TBC1D19: variants seen among roughly 807,000 people sequenced by gnomAD.
TBC1D19 encodes the protein TBC1 domain family member 19.
TBC1D19 carries 60 observed loss-of-function variants against 89.0 expected under a neutral mutation model. That is an observed-to-expected ratio of 0.67 (90% CI 0.55 to 0.84). The LOEUF (loss-of-function observed/expected upper bound fraction) is 0.84, where lower values mean the gene tolerates loss of function less well. TBC1D19 is among the 40% of genes least tolerant of loss of function. The probability of loss-of-function intolerance (pLI) is 0.00; values close to 1 mark genes in which losing one functional copy is unlikely to be tolerated. For synonymous variants in TBC1D19, 189 were observed against 199.7 expected (o/e 0.95, Z 0.45); for missense variants, 500 against 610.8 (o/e 0.82, Z 1.91).
At chr4:26,620,536 A>G in intron 3 of TBC1D19, 77 bp from the exon 4 acceptor site, 1 of 1,182,506 alleles carries the variant, frequency 8.5e-7, no homozygotes, top group Non-Finnish European at 1.2e-6. Flanking sequence ...AACAGTTTAT[A>G]ACATGGACTA....
the TBC1D19 span, among the ~76,000 whole-genome samples, chr4:26,811,783 C>G: frequency 2.0e-5 from 3 of 152,178 alleles, no homozygotes; most frequent in Non-Finnish European, 4.4e-5. Context: ...ATTGCCATGG[C>G]ATTTGTAAAC....
chr4:26,746,998 C>T (rs1050847644), intron 18 of TBC1D19, among the ~76,000 whole-genome samples: 7 of 152,072 alleles, frequency 4.6e-5, no homozygotes, highest in African/African-American at 1.2e-4. Context: ...TGGGACCGTG[C>T]GAGCTTTCAC....
chr4:26,834,665 G>C, the TBC1D19 span, among the ~76,000 whole-genome samples: 3 of 152,244 alleles, frequency 2.0e-5, no homozygotes, highest in East Asian at 5.8e-4. Context: ...CTCACCCCCA[G>C]TCCTTCCTGC....
the TBC1D19 span, among the ~76,000 whole-genome samples, chr4:26,816,563 T>C: frequency 1.4e-4 from 22 of 152,288 alleles, no homozygotes; most frequent in Admixed American, 5.9e-4. Context: ...AATCAAATGA[T>C]CAAAGTTAAT....
At chr4:26,674,592 A>T (rs1577915219) in intron 11 of TBC1D19, among the ~76,000 whole-genome samples, 1 of 152,054 alleles carries the variant, frequency 6.6e-6, no homozygotes, top group Non-Finnish European at 1.5e-5. Context: ...AATCATACAG[A>T]CCTGATTTCA....
chr4:26,622,924 A>G (rs1742152970), intron 4 of TBC1D19, among the ~76,000 whole-genome samples: 2 of 152,170 alleles, frequency 1.3e-5, no homozygotes, highest in Non-Finnish European at 2.9e-5. Context: ...GTCAGCATCT[A>G]GCATAGTACC....
intron 1 of TBC1D19, among the ~76,000 whole-genome samples, chr4:26,596,104 G>C (rs149338413): frequency 6.6e-6 from 1 of 151,912 alleles, no homozygotes; most frequent in Non-Finnish European, 1.5e-5. Flanking sequence ...TTACAGGTGC[G>C]TGCTACCATG....
intron 10 of TBC1D19, among the ~76,000 whole-genome samples, chr4:26,673,286 T>G (rs971379274): frequency 5.9e-5 from 9 of 151,676 alleles, no homozygotes; most frequent in African/African-American, 9.7e-5. Flanking sequence ...TCTTATATAT[T>G]GTAATTCTTA....
intron 1 of TBC1D19, among the ~76,000 whole-genome samples, chr4:26,603,204 C>T (rs1048889551): frequency 2.0e-5 from 3 of 152,212 alleles, no homozygotes; most frequent in African/African-American, 4.8e-5. Context: ...TTGATGGAAT[C>T]GCAATACTTA....
chr4:26,829,982 C>T, the TBC1D19 span, among the ~76,000 whole-genome samples: 15 of 152,100 alleles, frequency 9.9e-5, no homozygotes, highest in African/African-American at 2.9e-4. Flanking sequence ...CCCTTCCATG[C>T]CTATAAAAGA....
At chr4:26,602,216 A>G (rs773849133) in intron 1 of TBC1D19, among the ~76,000 whole-genome samples, 11 of 152,190 alleles carry the variant, frequency 7.2e-5, no homozygotes, top group Non-Finnish European at 1.3e-4. Context: ...CAAGAAGCTT[A>G]TAGTCTAATG....
At chr4:26,744,037 G>A (rs952204119) in intron 18 of TBC1D19, among the ~76,000 whole-genome samples, 9 of 151,454 alleles carry the variant, frequency 5.9e-5, no homozygotes, top group African/African-American at 2.2e-4. Flanking sequence ...TGAAGCTTTT[G>A]GAAGGTTTTT....
intron 19 of TBC1D19, among the ~76,000 whole-genome samples, chr4:26,749,760 G>C (rs565354018): frequency 2.0e-5 from 3 of 152,102 alleles, no homozygotes; most frequent in African/African-American, 7.2e-5. Flanking sequence ...ACATATTCTT[G>C]AATGCTGAGA....
chr4:26,794,884 C>T, the TBC1D19 span, among the ~76,000 whole-genome samples: 1 of 152,172 alleles, frequency 6.6e-6, no homozygotes, highest in Non-Finnish European at 1.5e-5. Context: ...CCAGAATGTT[C>T]CCTGGTGTGA....
At chr4:26,655,878 C>G (rs1744766128) in intron 7 of TBC1D19, among the ~76,000 whole-genome samples, 2 of 152,090 alleles carry the variant, frequency 1.3e-5, no homozygotes, top group Non-Finnish European at 2.9e-5. Flanking sequence ...CACCCACTGT[C>G]CTGCACCCAC....
chr4:26,632,633 T>C (rs1577839436), intron 4 of TBC1D19, among the ~76,000 whole-genome samples: 1 of 152,016 alleles, frequency 6.6e-6, no homozygotes, highest in African/African-American at 2.4e-5. Context: ...GCACACTTGG[T>C]GCAGTTTTAC....
chr4:26,745,318 A>G (rs546480178), intron 18 of TBC1D19, among the ~76,000 whole-genome samples: 4 of 151,872 alleles, frequency 2.6e-5, no homozygotes, highest in African/African-American at 9.6e-5. Context: ...ATATTATTGA[A>G]TTGGAATCAA....
the TBC1D19 span, among the ~76,000 whole-genome samples, chr4:26,826,264 T>G: frequency 6.6e-6 from 1 of 152,110 alleles, no homozygotes; most frequent in South Asian, 2.1e-4. Flanking sequence ...ACAATTTAAT[T>G]CCCACTGCAC....
At chr4:26,656,987 T>TCTTCTTCTTCTTCTCCTTCTC (rs67034832) in intron 7 of TBC1D19, among the ~76,000 whole-genome samples, 188 of 17,808 alleles carry the variant, frequency 0.011, 5 homozygotes, top group African/African-American at 0.031. Flanking sequence ...TTCTTCTTCT[T>TCTTCTTCTTCTTCTCCTTCTC]CTTCTCCTTC....
Sources: allele counts gnomAD v4.1 joint callset (sites outside exome capture counted in the v4.1 genomes callset), GRCh38; gene constraint gnomAD v4.1.1; transcripts MANE v1.5; gene names NCBI Gene and HGNC (gene_info 2026-07-23, HGNC 2026-07-21).